Variants in UGGT1 observed in about 807,000 individuals in gnomAD.
The protein encoded by UGGT1 is UDP-glucose glycoprotein glucosyltransferase 1.
A neutral mutation model predicts 203.9 loss-of-function variants in UGGT1; 107 were observed. The ratio of observed to expected loss-of-function variants is 0.52; its 90% CI spans 0.45 to 0.62. UGGT1 has a LOEUF of 0.62. Among genes scored for constraint, UGGT1 ranks in the 20% least tolerant of loss-of-function variants. The probability of loss-of-function intolerance (pLI) is 0.00; values close to 1 mark genes in which losing one functional copy is unlikely to be tolerated. For synonymous variants in UGGT1, 628 were observed against 653.5 expected, an observed-to-expected ratio of 0.96 and a Z score of 0.59; for missense variants, 1,673 against 1,867.2, an observed-to-expected ratio of 0.90 and a Z score of 1.92.
chr2:128,113,034 G>T, intron 5 of UGGT1, 50 bp from the exon 6 acceptor site: 1 of 1,406,366 alleles, frequency 7.1e-7, no homozygotes, highest in Non-Finnish European at 9.4e-7. Context: ...GACATTTTTA[G>T]TGTTTCACAA....
chr2:128,168,916 A>T lies in UGGT1; in HGVS notation c.2922-1372A>T, dbSNP rs147051530. On this transcript the variant is annotated intron_variant, in intron 26 of 40. Coordinates refer to ENST00000259253, the MANE Select transcript of UGGT1 (RefSeq NM_020120.4). ...ACACAAATTAGCTGGGCATGGTGGC[A>T]TGTGCCTGTAATCCCAGCTACTTTG... Among the ~76,000 whole-genome samples the T allele has an allele frequency of 3.8e-3, 581 of 152,100 alleles. 6 individuals carry two copies. The highest frequency in any genetic ancestry group is 0.013 in the African/African-American group (520 of 41,490).
At chr2:128,095,389 C>CTCTTCT (rs1196656115) in intron 1 of UGGT1, among the ~76,000 whole-genome samples, 1 of 147,916 alleles carries the variant, frequency 6.8e-6, no homozygotes, top group African/African-American at 2.5e-5. Flanking sequence ...CTTCCCCTTC[C>CTCTTCT]CCTTCTCCTT....
intron 11 of UGGT1, among the ~76,000 whole-genome samples, 159 bp downstream of exon 11, chr2:128,123,405 A>G (rs1181996553): frequency 6.6e-6 from 1 of 152,180 alleles, no homozygotes; most frequent in African/African-American, 2.4e-5. Context: ...TTTTAATGAA[A>G]GTTCAGTATG....
At chr2:128,180,527 T>G (rs1425046973) in intron 35 of UGGT1, among the ~76,000 whole-genome samples, 1 of 152,246 alleles carries the variant, frequency 6.6e-6, no homozygotes, top group Non-Finnish European at 1.5e-5. Context: ...GGGTTAGATC[T>G]GGCCTCGAGG....
intron 2 of UGGT1, among the ~76,000 whole-genome samples, chr2:128,100,668 C>T (rs1687336705): frequency 1.3e-5 from 2 of 151,618 alleles, no homozygotes; most frequent in African/African-American, 4.8e-5. Context: ...GTGATCCACC[C>T]ATCTCGGCCT....
rs1448265036 is a variant in UGGT1, at chr2:128,091,357, C to T, written c.-1C>T. 7 of 1,563,166 alleles carry T rather than the reference C, an allele frequency of 4.5e-6. No individual in the cohort carries two copies. The highest frequency in any genetic ancestry group is 3.8e-5 in the Admixed American group (2 of 52,672). ...TGTGGCGGACTGACCACGGCCCGGG[C>T]ATGGGCTGCAAGGGAGACGCGAGCG... On this transcript the variant is annotated 5_prime_UTR_variant, in exon 1 of 41. Transcript: ENST00000259253.
chr2:128,163,481 C>T (rs896154231), intron 25 of UGGT1, among the ~76,000 whole-genome samples: 17 of 148,324 alleles, frequency 1.1e-4, no homozygotes, highest in African/African-American at 1.5e-4. Flanking sequence ...TTGGGAAGGC[C>T]GAGGCGGGCG....
intron 25 of UGGT1, 48 bp downstream of exon 25, chr2:128,161,316 T>C: frequency 1.9e-6 from 3 of 1,592,952 alleles, no homozygotes; most frequent in Non-Finnish European, 2.6e-6. Context: ...AATTGGACTT[T>C]CCTCATTGAT....
intron 3 of UGGT1, among the ~76,000 whole-genome samples, chr2:128,105,487 CTTTATTTTAT>C (rs70988607): frequency 0.07 from 10,185 of 145,384 alleles, 530 homozygotes; most frequent in Non-Finnish European, 0.1. Flanking sequence ...CTAGATTTTA[CTTTATTTTAT>C]TTTATTTTAT....
chr2:128,122,374 T>A (rs11692642), intron 10 of UGGT1, among the ~76,000 whole-genome samples: 47,994 of 151,696 alleles, frequency 0.32, 8,807 homozygotes, highest in Non-Finnish European at 0.41. Context: ...TTCTACTGAA[T>A]ATACAAAAAA....
At chr2:128,097,698 T>A in intron 2 of UGGT1, 134 bp downstream of exon 2, 1 of 1,101,516 alleles carries the variant, frequency 9.1e-7, no homozygotes, top group Non-Finnish European at 1.3e-6. Flanking sequence ...GTGTATACTG[T>A]AGGATGTATT....
Position 128,173,835 on chromosome 2 carries a change from C to G in UGGT1, c.3349C>G (p.His1117Asp). Residue 1117 changes from histidine to aspartate, a missense_variant, in exon 30 of 41, where the codon CAT becomes GAT. By Grantham distance (81) the His-to-Asp change is moderately conservative. Transcript: ENST00000259253. ...YELEYLLLEG[H>D]CYDITTGQPP... ...GCTGGAATACCTGTTACTGGAAGGT[C>G]ATTGCTACGACATCACCACAGGCCA... The G allele has an allele frequency of 6.2e-7, 1 of 1,614,132 alleles. No homozygotes were observed. Among genetic ancestry groups the G allele is most frequent in the South Asian group, 1.1e-5 (1 of 91,080 alleles).
At chr2:128,109,127 G>A (rs1442941394) in intron 4 of UGGT1, among the ~76,000 whole-genome samples, 1 of 152,106 alleles carries the variant, frequency 6.6e-6, no homozygotes, top group African/African-American at 2.4e-5. Context: ...CCTGACCACA[G>A]GAGATCTGCC....
At position 128,113,268 on chromosome 2, in the gene UGGT1, G is replaced by T. The variant is rs779802079; in HGVS notation, c.696+10G>T. 1.3e-6 allele frequency: 2 copies of T among 1,573,238 alleles called. No homozygotes were observed. Among genetic ancestry groups the T allele is most frequent in the Non-Finnish European group, 1.7e-6 (2 of 1,155,134 alleles). Reference sequence around the variant, plus strand: ...CAGACATTATATATTTGTAAGTATTGACTTATTTTACACCTGTTTTGAATG... The same window carrying T: ...CAGACATTATATATTTGTAAGTATTTACTTATTTTACACCTGTTTTGAATG... On this transcript the variant is annotated intron_variant, in intron 6 of 40. Coordinates refer to ENST00000259253, the MANE Select transcript of UGGT1 (RefSeq NM_020120.4).
At chr2:128,131,634 A>C (rs1015167103) in intron 13 of UGGT1, among the ~76,000 whole-genome samples, 4 of 151,206 alleles carry the variant, frequency 2.6e-5, no homozygotes, top group Non-Finnish European at 5.9e-5. Flanking sequence ...ATTGTGTTGC[A>C]TTGCGTTGTG....
At position 128,182,043 on chromosome 2, in the gene UGGT1, C is replaced by T. The variant is rs1005701177; in HGVS notation, c.4084-87C>T. 5 of 1,386,916 alleles carry T rather than the reference C, an allele frequency of 3.6e-6. No individual in the cohort carries two copies. In the African/African-American group the frequency reaches 7.1e-5, roughly 20 times the overall value. 85.9% of individuals were successfully genotyped at this position (1,386,916 alleles called of 1,614,324 possible). A position where few individuals can be genotyped will look rare whatever the true frequency, so the allele number is the denominator to read the frequency against. On this transcript the variant is annotated intron_variant, in intron 36 of 40. Transcript: ENST00000259253. ...AACCACGGAGCAGCCTTCCATGCTG[C>T]CTTAAGCGAGCCACTCTGTATCTGA...
chr2:128,171,125 GAT>G lies in UGGT1; in HGVS notation c.3025-77_3025-76del, dbSNP rs1189046753. Reference sequence around the variant, plus strand: ...CTGTTATCTTTATATCTTTTCTTGAGATATTAATAGCTCAGTGTCAAATAATA... The same window carrying G: ...CTGTTATCTTTATATCTTTTCTTGAGATTAATAGCTCAGTGTCAAATAATA... On this transcript the variant is annotated intron_variant, in intron 27 of 40. Transcript: ENST00000259253. 15 of 1,284,412 alleles carry G rather than the reference GAT, an allele frequency of 1.2e-5. No individual in the cohort carries two copies. The African/African-American group carries it at 2.1e-4, about 18-fold the overall frequency. 79.6% of individuals were successfully genotyped at this position (1,284,412 alleles called of 1,614,324 possible). A position where few individuals can be genotyped will look rare whatever the true frequency, so the allele number is the denominator to read the frequency against.
intron 22 of UGGT1, among the ~76,000 whole-genome samples, chr2:128,158,460 A>G (rs1254586325): frequency 6.6e-6 from 1 of 152,170 alleles, no homozygotes; most frequent in East Asian, 1.9e-4. Flanking sequence ...ATTAAAATGG[A>G]ATGTTATGCA....
At chr2:128,172,817 G>A in intron 29 of UGGT1, 55 bp downstream of exon 29, 1 of 1,530,756 alleles carries the variant, frequency 6.5e-7, no homozygotes, top group Non-Finnish European at 8.9e-7. Context: ...ACAGCAGATT[G>A]AATCATAGTC....
Sources: allele counts gnomAD v4.1 joint callset (sites outside exome capture counted in the v4.1 genomes callset), GRCh38; gene constraint gnomAD v4.1.1; transcripts MANE v1.5; gene names NCBI Gene and HGNC (gene_info 2026-07-23, HGNC 2026-07-21).